LDB3: variants seen among roughly 807,000 people sequenced by gnomAD.
LDB3 encodes LIM domain binding 3, also known as LIM domain-binding protein 3.
In LDB3, 49 loss-of-function variants were observed where a neutral mutation model predicts 69.0. The ratio of observed to expected loss-of-function variants is 0.71; its 90% CI spans 0.56 to 0.90. LDB3 has a LOEUF of 0.90. Among genes scored for constraint, LDB3 ranks in the 40% least tolerant of loss-of-function variants. The pLI is 0.00. For missense variants in LDB3, 928 were observed against 974.1 expected, an observed-to-expected ratio of 0.95 and a Z score of 0.63; for synonymous variants, 387 against 396.2, an observed-to-expected ratio of 0.98 and a Z score of 0.28.
intron 8 of LDB3, among the ~76,000 whole-genome samples, chr10:86,709,386 GGGGGTGCCTT>G (rs1459395039): frequency 6.6e-6 from 1 of 152,186 alleles, no homozygotes; most frequent in East Asian, 1.9e-4. Context: ...TGGGGGAGAG[GGGGGTGCCTT>G]GGGCAGCAGG....
intron 13 of LDB3, 135 bp from the exon 14 acceptor site, chr10:86,732,752 C>T (rs571246810): frequency 1.5e-6 from 1 of 680,050 alleles, no homozygotes; most frequent in Non-Finnish European, 2.7e-6. Flanking sequence ...GATCTGCCTG[C>T]CTTGGCCTTC....
In LDB3 at chr10:86,699,486, TG is replaced by T. The variant is rs536516599; in HGVS notation, c.896+6920del. 1.9e-3 allele frequency: 2,961 copies of T among 1,567,372 alleles called. 33 individuals carry two copies. In the Admixed American group the frequency reaches 0.02, roughly 11 times the overall value. The stretch of plus-strand genomic sequence containing the variant: ...GATGCTTGACAATGTATAACTCTGC[TG>T]GGGGCACCTCTGATGGCCAACCGCA... On this transcript the variant is annotated intron_variant, in intron 7 of 13. Transcript: ENST00000361373. This position sits in a 1 kb window ranked among gnomAD's most constrained non-coding sequence, Gnocchi z 4.9.
At chr10:86,694,878 C>T (rs1845932846) in intron 7 of LDB3, among the ~76,000 whole-genome samples, 1 of 152,232 alleles carries the variant, frequency 6.6e-6, no homozygotes, top group Admixed American at 6.5e-5. Context: ...ACACTTCTAT[C>T]TGTCCCCACT....
At chr10:86,685,988 G>T (rs748712009) in intron 5 of LDB3, among the ~76,000 whole-genome samples, 1 of 152,112 alleles carries the variant, frequency 6.6e-6, no homozygotes, top group Non-Finnish European at 1.5e-5. Context: ...GGCGGGCGCA[G>T]GGGGAGGGGG....
chr10:86,687,323 G>C, intron 5 of LDB3: 1 of 1,545,768 alleles, frequency 6.5e-7, no homozygotes, highest in Non-Finnish European at 8.9e-7. Flanking sequence ...AGCCCGAGGG[G>C]TATGGGCCAT....
At position 86,716,517 on chromosome 10, in the gene LDB3, G is replaced by C. The variant is rs142625982; in HGVS notation, c.1422G>C (p.Ser474=). 2 of 1,610,928 alleles carry C rather than the reference G, an allele frequency of 1.2e-6. No individual in the cohort carries two copies. The highest frequency in any genetic ancestry group is 1.7e-5 in the Admixed American group (1 of 59,610). The change falls in exon 10 of 14, where the codon TCG becomes TCC. Residue 474 remains serine, a synonymous_variant. Transcript: ENST00000361373. ...SPAPNYNPAP[S]VAYSGGPAEP... is the part of the protein sequence containing the mutation. ...CCCCCAACTATAACCCTGCACCCTC[G>C]GTGGCCTACAGCGGGGGCCCTGCGG... is the stretch of plus-strand genomic sequence containing the variant.
chr10:86,715,290 C>T (rs1589673302), intron 9 of LDB3, among the ~76,000 whole-genome samples: 1 of 152,110 alleles, frequency 6.6e-6, no homozygotes, highest in South Asian at 2.1e-4. Context: ...GGGAATGAGG[C>T]CTCTTTGCTG....
intron 4 of LDB3, 77 bp from the exon 5 acceptor site, chr10:86,681,359 C>T: frequency 6.3e-7 from 1 of 1,587,038 alleles, no homozygotes; most frequent in Non-Finnish European, 8.5e-7. Context: ...TGTTTCAGGT[C>T]CACGCAGGAG....
At chr10:86,685,152 C>A (rs1845396387) in intron 5 of LDB3, among the ~76,000 whole-genome samples, 1 of 152,140 alleles carries the variant, frequency 6.6e-6, no homozygotes. Context: ...TTTGGGGGGG[C>A]ATAGGAAACC....
intron 12 of LDB3, 114 bp from the exon 13 acceptor site, chr10:86,726,023 A>G: frequency 1.4e-6 from 1 of 722,414 alleles, no homozygotes; most frequent in East Asian, 2.6e-5. Flanking sequence ...GAGATGACAA[A>G]CAACCAATTA....
chr10:86,712,856 C>G (rs1846718790), intron 9 of LDB3, among the ~76,000 whole-genome samples: 2 of 152,104 alleles, frequency 1.3e-5, no homozygotes, highest in Non-Finnish European at 2.9e-5. Context: ...GTCAGAAGAT[C>G]GAGACCACCA....
At chr10:86,700,084 C>T (rs1157179729) in intron 7 of LDB3, 7 of 984,540 alleles carry the variant, frequency 7.1e-6, no homozygotes, top group Non-Finnish European at 8.4e-6. Flanking sequence ...TGTGTGTGTC[C>T]CACCCAAGAG....
intron 13 of LDB3, among the ~76,000 whole-genome samples, chr10:86,729,802 C>T (rs1473629015): frequency 6.6e-6 from 1 of 152,206 alleles, no homozygotes; most frequent in African/African-American, 2.4e-5. Flanking sequence ...AGTCCCTGGA[C>T]ACCTTCTCTC....
chr10:86,681,452 C>T lies in LDB3; in HGVS notation c.338C>T (p.Thr113Met), dbSNP rs563714303. 30 of 1,604,048 alleles carry T rather than the reference C, an allele frequency of 1.9e-5. No individual in the cohort carries two copies. The East Asian group carries it at 2.7e-4, about 14-fold the overall frequency. ...IPHQKDPALD[T>M]NGSLVAPSPS... ...CTGTGCCAGGACCCCGCTCTGGACA[C>T]GAACGGCAGCCTGGTGGCACCCAGC... Residue 113 changes from threonine to methionine, a missense_variant, in exon 5 of 14, where the codon ACG becomes ATG. Physicochemically the swap from Thr to Met is moderately conservative, Grantham distance 81. Coordinates refer to ENST00000361373, the MANE Select transcript of LDB3 (RefSeq NM_007078.3).
chr10:86,683,057 C>G lies in LDB3; in HGVS notation c.689+1254C>G, dbSNP rs754060360. On this transcript the variant is annotated intron_variant, in intron 5 of 13. Coordinates refer to ENST00000361373, the MANE Select transcript of LDB3 (RefSeq NM_007078.3). ...GCCCCCAGGGTTCCCCAGCAAAGGA[C>G]TTTTGCCAGAAAACTCAGGGAATAG... Among the ~76,000 whole-genome samples the G allele has an allele frequency of 2.6e-5, 4 of 152,320 alleles. No individual in the cohort carries two copies. In the South Asian group the frequency reaches 8.3e-4, roughly 32 times the overall value.
chr10:86,673,415 C>T (rs1469580411), intron 2 of LDB3, among the ~76,000 whole-genome samples: 1 of 152,116 alleles, frequency 6.6e-6, no homozygotes, highest in Non-Finnish European at 1.5e-5. Context: ...ATGTGTGGGT[C>T]ACTTCTTGGA....
intron 9 of LDB3, among the ~76,000 whole-genome samples, chr10:86,712,119 C>T (rs539793135): frequency 6.6e-6 from 1 of 152,046 alleles, no homozygotes; most frequent in Non-Finnish European, 1.5e-5. Flanking sequence ...TGCTCGCCCC[C>T]CGACGGAGTC....
intron 7 of LDB3, among the ~76,000 whole-genome samples, chr10:86,697,215 C>CTTTTTTT (rs34215720): frequency 5.1e-4 from 40 of 77,804 alleles, no homozygotes; most frequent in African/African-American, 7.8e-4. Context: ...TAGCAATTCA[C>CTTTTTTT]TTTTTTTTTT....
Position 86,709,941 on chromosome 10 carries a change from C to T in LDB3, c.1122C>T (p.Ala374=), listed in dbSNP as rs1390739358. ...CTTCCTACAGCCCCGCAGTGGCCGC[C>T]TCTTCAGCACCTGCCACCCACACCA... The part of the protein sequence containing the change: ...QASSYSPAVA[A]SSAPATHTSY... Residue 374 remains alanine (A), a synonymous_variant, in exon 9 of 14, where the codon GCC becomes GCT. Transcript: ENST00000361373. The T allele has an allele frequency of 6.2e-7, 1 of 1,612,714 alleles. No individual in the cohort carries two copies. Among genetic ancestry groups the T allele is most frequent in the Non-Finnish European group, 8.5e-7 (1 of 1,179,998 alleles).
Sources: gnomAD v4.1 joint callset for allele counts (sites outside exome capture counted in the v4.1 genomes callset) on GRCh38, gnomAD v4.1.1 for gene constraint, Gnocchi (gnomAD v3.1) non-coding constraint, MANE v1.5 for transcripts, NCBI Gene and HGNC (gene_info 2026-07-23, HGNC 2026-07-21) for gene names.